STPG2: variants seen among roughly 807,000 people sequenced by gnomAD.
STPG2 encodes sperm tail PG-rich repeat containing 2.
In STPG2, 56 loss-of-function variants were observed where a neutral mutation model predicts 54.2. That is an observed-to-expected ratio of 1.03 (90% CI 0.83 to 1.29). STPG2 has a LOEUF of 1.29. Among genes scored for constraint, STPG2 ranks in the 50% most tolerant of loss-of-function variants. The pLI, the probability that STPG2 is intolerant of heterozygous loss-of-function variation, is 0.00. For synonymous variants in STPG2, 200 were observed against 181.8 expected, an observed-to-expected ratio of 1.10 and a Z score of -0.81; for missense variants, 596 against 544.9, an observed-to-expected ratio of 1.09 and a Z score of -0.93.
chr4:97,538,874 TG>T (rs1731613187), intron 4 of STPG2, among the ~76,000 whole-genome samples: 1 of 151,912 alleles, frequency 6.6e-6, no homozygotes, highest in Admixed American at 6.6e-5. Flanking sequence ...CAGAAGAGAG[TG>T]GGGGCCAATA....
intron 10 of STPG2, among the ~76,000 whole-genome samples, chr4:97,599,651 G>A (rs1246150625): frequency 2.6e-5 from 4 of 151,848 alleles, no homozygotes; most frequent in Admixed American, 6.6e-5. Context: ...GTGAAACCCC[G>A]TCTCTACTAA....
intron 5 of STPG2, among the ~76,000 whole-genome samples, chr4:97,991,885 T>C (rs546918648): frequency 6.6e-6 from 1 of 152,230 alleles, no homozygotes; most frequent in Non-Finnish European, 1.5e-5. Flanking sequence ...CATATGTTTG[T>C]TGGCCCTTTG....
At chr4:97,738,006 G>T (rs184159500) in intron 9 of STPG2, among the ~76,000 whole-genome samples, 1 of 152,224 alleles carries the variant, frequency 6.6e-6, no homozygotes, top group East Asian at 1.9e-4. Flanking sequence ...GGCTAACAGC[G>T]GATCTCTTGG....
Position 97,908,458 on chromosome 4 carries a change from G to A in STPG2, c.1044+35439C>T, listed in dbSNP as rs937480246. On this transcript the variant is annotated intron_variant, in intron 8 of 10. Transcript: ENST00000295268. The stretch of plus-strand genomic sequence containing the variant: ...CAACCATTGTGGAAGTCAGTGTGGC[G>A]ATTCCTCAGGGATCTAGAACTAGAA... Among the ~76,000 whole-genome samples, 8 of 150,196 alleles carry A rather than the reference G, an allele frequency of 5.3e-5. No individual in the cohort carries two copies. In the South Asian group the frequency reaches 6.4e-4, roughly 12 times the overall value.
chr4:97,806,533 A>G (rs547276033), intron 9 of STPG2, among the ~76,000 whole-genome samples: 1 of 152,220 alleles, frequency 6.6e-6, no homozygotes, highest in South Asian at 2.1e-4. Flanking sequence ...AAAATAAATA[A>G]TAAATAAAAA....
intron 5 of STPG2, among the ~76,000 whole-genome samples, chr4:98,072,258 G>A (rs183801478): frequency 9.9e-5 from 15 of 152,208 alleles, no homozygotes; most frequent in East Asian, 1.9e-4. Flanking sequence ...TGTCCTTTGC[G>A]GGACATGAAT....
chr4:97,781,272 A>G (rs1217964446), intron 9 of STPG2, among the ~76,000 whole-genome samples: 1 of 152,226 alleles, frequency 6.6e-6, no homozygotes, highest in Non-Finnish European at 1.5e-5. Flanking sequence ...CCACAGAAAT[A>G]CAAACTACCA....
At chr4:98,082,400 C>T (rs1238424837) in intron 5 of STPG2, among the ~76,000 whole-genome samples, 1 of 129,998 alleles carries the variant, frequency 7.7e-6, no homozygotes, top group Non-Finnish European at 1.6e-5. Context: ...TACCTGGTCG[C>T]TTTTCTTCCC....
At chr4:97,891,738 T>C (rs1341101949) in intron 8 of STPG2, among the ~76,000 whole-genome samples, 1 of 152,092 alleles carries the variant, frequency 6.6e-6, no homozygotes, top group African/African-American at 2.4e-5. Flanking sequence ...TCTAGTCTTG[T>C]TTTTTGAAGA....
At chr4:97,619,374 C>G (rs1733949730) in intron 10 of STPG2, among the ~76,000 whole-genome samples, 1 of 152,076 alleles carries the variant, frequency 6.6e-6, no homozygotes, top group Admixed American at 6.6e-5. Context: ...CATGTTCTAT[C>G]TGGAAGCTTT....
intron 1 of STPG2, among the ~76,000 whole-genome samples, chr4:98,139,853 G>A (rs1412521281): frequency 1.3e-5 from 2 of 152,104 alleles, no homozygotes; most frequent in Non-Finnish European, 2.9e-5. Context: ...GCTATATGTG[G>A]CTCATTATAT....
At chr4:97,473,737 C>G (rs1372323520) in intron 4 of STPG2, among the ~76,000 whole-genome samples, 1 of 152,114 alleles carries the variant, frequency 6.6e-6, no homozygotes, top group Non-Finnish European at 1.5e-5. Context: ...TTTCACGGCT[C>G]AGGGGGCATC....
At chr4:97,725,646 A>C (rs1724599918) in intron 9 of STPG2, among the ~76,000 whole-genome samples, 1 of 151,826 alleles carries the variant, frequency 6.6e-6, no homozygotes, top group Non-Finnish European at 1.5e-5. Context: ...AAAAATATGA[A>C]AGATAAAAAG....
chr4:98,005,661 G>A (rs1034112616), intron 5 of STPG2, among the ~76,000 whole-genome samples: 7 of 152,126 alleles, frequency 4.6e-5, no homozygotes, highest in Middle Eastern at 3.4e-3. Flanking sequence ...CTTGTAATGT[G>A]ATATATCCTA....
At chr4:97,453,592 C>T (rs1215538304) in intron 4 of STPG2, among the ~76,000 whole-genome samples, 2 of 152,198 alleles carry the variant, frequency 1.3e-5, no homozygotes, top group African/African-American at 2.4e-5. Context: ...CTTGACATAA[C>T]AGGGACAGCA....
intron 8 of STPG2, chr4:97,916,495 C>T (rs1731882077): frequency 6.6e-6 from 1 of 152,658 alleles, no homozygotes. Flanking sequence ...TGAAGACAGG[C>T]TCCTGGAGAA....
chr4:97,771,482 G>A lies in STPG2; in HGVS notation c.1205-58668C>T, dbSNP rs565238076. Among the ~76,000 whole-genome samples, 15 of 152,248 alleles carry A rather than the reference G, an allele frequency of 9.9e-5. No individual in the cohort carries two copies. In the East Asian group the frequency reaches 2.9e-3, roughly 30 times the overall value. On this transcript the variant is annotated intron_variant, in intron 9 of 10. Coordinates refer to ENST00000295268, the MANE Select transcript of STPG2 (RefSeq NM_174952.3). ...TGTCAGTTTGCCCAGACCAGAGCTG[G>A]TCTGTAGTTGGTGGGCAAGCAGGAA...
In STPG2 at chr4:98,015,591, C is replaced by A. The variant is rs542410391; in HGVS notation, c.613-34273G>T. On this transcript the variant is annotated intron_variant, in intron 5 of 10. Transcript: ENST00000295268. Reference sequence around the variant, plus strand: ...TGGAGAGGATGTGGAGAAATAGGAACATTTTACACTGCTGGTGGGAGTGTA... The same window carrying A: ...TGGAGAGGATGTGGAGAAATAGGAAAATTTTACACTGCTGGTGGGAGTGTA... Among the ~76,000 whole-genome samples the A allele has an allele frequency of 4.2e-3, 643 of 152,144 alleles. 3 individuals carry two copies. Among genetic ancestry groups the A allele is most frequent in the South Asian group, 0.025 (118 of 4,816 alleles).
chr4:97,844,852 G>A (rs1399995855), intron 8 of STPG2, among the ~76,000 whole-genome samples: 3 of 151,634 alleles, frequency 2.0e-5, no homozygotes, highest in Admixed American at 6.6e-5. Context: ...CAAACTACTC[G>A]TATTGTTCAA....
Sources: gnomAD v4.1 joint callset for allele counts (sites outside exome capture counted in the v4.1 genomes callset) on GRCh38, gnomAD v4.1.1 for gene constraint, MANE v1.5 for transcripts, NCBI Gene and HGNC (gene_info 2026-07-23, HGNC 2026-07-21) for gene names.